Variants in ULK4 observed in about 807,000 individuals in gnomAD.
ULK4 encodes unc-51 like kinase 4, also known as inactive serine/threonine-protein kinase ULK4.
Under a neutral mutation model 160.6 loss-of-function variants are expected in ULK4, and 133 were observed. That is an observed-to-expected ratio of 0.83 (90% CI 0.72 to 0.96). The LOEUF is 0.96. Ranked by LOEUF, ULK4 falls within the 40% of genes least tolerant of loss-of-function variation. The pLI is 0.00. For synonymous variants in ULK4, 534 were observed against 539.8 expected (o/e 0.99, Z 0.15); for missense variants, 1,580 against 1,499.5 (o/e 1.05, Z -0.89).
intron 35 of ULK4, among the ~76,000 whole-genome samples, chr3:41,385,610 A>G (rs2125800168): frequency 1.3e-5 from 2 of 152,336 alleles, no homozygotes; most frequent in Middle Eastern, 6.8e-3. Flanking sequence ...ATGGGAAAAA[A>G]AGTTTCACAA....
At chr3:41,611,702 TCAGCCTG>T (rs1244146656) in intron 31 of ULK4, among the ~76,000 whole-genome samples, 1 of 152,116 alleles carries the variant, frequency 6.6e-6, no homozygotes, top group Non-Finnish European at 1.5e-5. Context: ...CTGTAGCCAA[TCAGCCTG>T]CCTCCTCATT....
chr3:41,939,298 T>A (rs1457848630), intron 2 of ULK4, among the ~76,000 whole-genome samples: 2 of 151,984 alleles, frequency 1.3e-5, no homozygotes, highest in Non-Finnish European at 2.9e-5. Context: ...TAGCTGGGAT[T>A]ACAGGTACAC....
chr3:41,700,436 C>G (rs546075507), intron 27 of ULK4, among the ~76,000 whole-genome samples: 3 of 152,242 alleles, frequency 2.0e-5, no homozygotes, highest in African/African-American at 7.2e-5. Context: ...ATTCACCAAC[C>G]CCTCCACACA....
In ULK4 at chr3:41,849,747, G is replaced by A. The variant is rs569334732; in HGVS notation, c.1657-13776C>T. On this transcript the variant is annotated intron_variant, in intron 17 of 36. Coordinates refer to ENST00000301831, the MANE Select transcript of ULK4 (RefSeq NM_017886.4). ...GAAGGCTGTACATGTGTGAGGGCAG[G>A]GGTATATGAGATGTCTTTGTGCCTT... Among the ~76,000 whole-genome samples, 5 of 152,188 alleles carry A rather than the reference G, an allele frequency of 3.3e-5. No homozygotes were observed. The South Asian group carries it at 1.0e-3, about 32-fold the overall frequency.
chr3:41,649,005 G>A (rs2034626824), intron 30 of ULK4, among the ~76,000 whole-genome samples: 1 of 151,994 alleles, frequency 6.6e-6, no homozygotes, highest in African/African-American at 2.4e-5. Context: ...GCACATGCCT[G>A]TAATCCCACC....
chr3:41,935,191 G>GTTTT (rs1454323390), intron 4 of ULK4, among the ~76,000 whole-genome samples: 1 of 103,870 alleles, frequency 9.6e-6, no homozygotes, highest in African/African-American at 5.1e-5. Flanking sequence ...TATTTTTTGT[G>GTTTT]TTTTTATTTA....
chr3:41,470,144 A>T (rs1169488437), intron 32 of ULK4, among the ~76,000 whole-genome samples: 1 of 152,078 alleles, frequency 6.6e-6, no homozygotes, highest in African/African-American at 2.4e-5. Flanking sequence ...CTCCAATCAA[A>T]GTAAACCAAA....
intron 35 of ULK4, among the ~76,000 whole-genome samples, chr3:41,305,908 T>A: frequency 7.2e-6 from 1 of 138,594 alleles, no homozygotes; most frequent in East Asian, 2.3e-4. Flanking sequence ...TCTGCCCGGC[T>A]GCGACCCCGT....
At chr3:41,959,344 A>C (rs1427416696) in intron 1 of ULK4, among the ~76,000 whole-genome samples, 1 of 142,496 alleles carries the variant, frequency 7.0e-6, no homozygotes, top group African/African-American at 2.5e-5. Flanking sequence ...AGCCTGAGGA[A>C]CAGAACAAGA....
intron 31 of ULK4, among the ~76,000 whole-genome samples, chr3:41,582,606 C>A (rs1160811851): frequency 6.6e-6 from 1 of 152,228 alleles, no homozygotes; most frequent in Non-Finnish European, 1.5e-5. Flanking sequence ...TTGCTTTCTG[C>A]TTTCACACGG....
intron 21 of ULK4, among the ~76,000 whole-genome samples, chr3:41,788,886 C>T (rs531071258): frequency 6.6e-6 from 1 of 152,032 alleles, no homozygotes; most frequent in Non-Finnish European, 1.5e-5. Context: ...TTATTTTTTA[C>T]CTGTTAACAC....
At chr3:41,558,593 A>C (rs1020523065) in intron 32 of ULK4, among the ~76,000 whole-genome samples, 15 of 151,652 alleles carry the variant, frequency 9.9e-5, no homozygotes, top group African/African-American at 3.6e-4. Context: ...AATCCCAGCT[A>C]CTCGGGAGGC....
chr3:41,561,673 T>C (rs2087575568), intron 32 of ULK4, among the ~76,000 whole-genome samples: 1 of 152,246 alleles, frequency 6.6e-6, no homozygotes, highest in African/African-American at 2.4e-5. Context: ...TATTCTCTGA[T>C]GGTAGTTTGT....
At chr3:41,452,635 G>C (rs577433759) in intron 34 of ULK4, among the ~76,000 whole-genome samples, 1 of 152,136 alleles carries the variant, frequency 6.6e-6, no homozygotes, top group East Asian at 1.9e-4. Context: ...AATATTTTGT[G>C]CTTCTTAAAC....
At chr3:41,431,771 TTC>T in intron 34 of ULK4, among the ~76,000 whole-genome samples, 1 of 144,552 alleles carries the variant, frequency 6.9e-6, no homozygotes, top group Middle Eastern at 3.5e-3. Flanking sequence ...ATGCGACTAT[TTC>T]TTTTTTTTCC....
At chr3:41,559,304 C>CG (rs2087462450) in intron 32 of ULK4, among the ~76,000 whole-genome samples, 1 of 109,646 alleles carries the variant, frequency 9.1e-6, no homozygotes, top group Non-Finnish European at 2.1e-5. Context: ...GGTTCCAAGT[C>CG]TTGCTATTGT....
At chr3:41,654,439 G>T (rs1200998957) in intron 30 of ULK4, among the ~76,000 whole-genome samples, 1 of 152,196 alleles carries the variant, frequency 6.6e-6, no homozygotes, top group Non-Finnish European at 1.5e-5. Flanking sequence ...ACTGTTAAAT[G>T]ATAATCTCAG....
chr3:41,880,393 T>C (rs1697473742), intron 17 of ULK4, among the ~76,000 whole-genome samples: 1 of 152,122 alleles, frequency 6.6e-6, no homozygotes, highest in Admixed American at 6.5e-5. Flanking sequence ...TTTCTGTAGC[T>C]GTTGATGACA....
chr3:41,911,734 T>C lies in ULK4; in HGVS notation c.897-75A>G, dbSNP rs1170001636. On this transcript the variant is annotated intron_variant, in intron 9 of 36. Transcript: ENST00000301831. ...TAGTTTTATGTTAGAGAAAAAGAGG[T>C]TGGAGAAGATAATTAAATTACACAT... 5.4e-6 allele frequency: 6 copies of C among 1,111,568 alleles called. No homozygotes were observed. In the African/African-American group the frequency reaches 7.8e-5, roughly 15 times the overall value. The allele number at this position is 1,111,568 out of a possible 1,614,324, so 68.9% of individuals were successfully genotyped here.
Sources: allele counts gnomAD v4.1 joint callset (sites outside exome capture counted in the v4.1 genomes callset), GRCh38; gene constraint gnomAD v4.1.1; transcripts MANE v1.5; gene names NCBI Gene and HGNC (gene_info 2026-07-23, HGNC 2026-07-21).